MTIF2: variants seen among roughly 807,000 people sequenced by gnomAD.
MTIF2 encodes the protein mitochondrial translational initiation factor 2.
MTIF2 carries 71 observed loss-of-function variants against 83.5 expected under a neutral mutation model. The observed-to-expected ratio is 0.85, with a 90% CI of 0.70 to 1.04. MTIF2 has a LOEUF of 1.04. MTIF2 is among the 50% of genes least tolerant of loss of function. MTIF2 has a pLI of 0.00. For missense variants in MTIF2, 957 were observed against 846.5 expected (o/e 1.13, Z -1.62); for synonymous variants, 319 against 287.1 (o/e 1.11, Z -1.12).
At chr2:55,243,226 TACTTG>T in intron 12 of MTIF2, 146 bp from the exon 13 acceptor site, 1 of 1,035,098 alleles carries the variant, frequency 9.7e-7, no homozygotes, top group Non-Finnish European at 1.4e-6. Context: ...TACACATATC[TACTTG>T]ACTTAATAGC....
chr2:55,237,758 C>T (rs1675991958), intron 14 of MTIF2, among the ~76,000 whole-genome samples: 1 of 139,528 alleles, frequency 7.2e-6, no homozygotes, highest in Non-Finnish European at 1.5e-5. Context: ...TTAAGCGATT[C>T]TCATGCCTCA....
At chr2:55,236,895 T>C in intron 15 of MTIF2, 75 bp from the exon 16 acceptor site, 1 of 1,161,688 alleles carries the variant, frequency 8.6e-7, no homozygotes, top group South Asian at 2.2e-5. Context: ...TATGTGGTGT[T>C]AACCAGGAAA....
intron 14 of MTIF2, among the ~76,000 whole-genome samples, chr2:55,238,794 G>T (rs971463747): frequency 3.9e-5 from 6 of 152,128 alleles, no homozygotes; most frequent in African/African-American, 1.4e-4. Context: ...ACTGTTATTT[G>T]TTAGTGTTAT....
At chr2:55,250,564 A>G (rs971035574) in intron 8 of MTIF2, among the ~76,000 whole-genome samples, 1 of 152,190 alleles carries the variant, frequency 6.6e-6, no homozygotes, top group African/African-American at 2.4e-5. Context: ...ATTTTCTTTT[A>G]GGACTTATAC....
At chr2:55,265,365 C>T (rs556540961) in intron 3 of MTIF2, among the ~76,000 whole-genome samples, 3 of 147,702 alleles carry the variant, frequency 2.0e-5, no homozygotes, top group African/African-American at 7.4e-5. Flanking sequence ...AGGTTCCATT[C>T]CACAAACAGT....
In MTIF2 at chr2:55,245,641, T is replaced by C. The variant is rs1030099818; in HGVS notation, c.1106+696A>G. Among the ~76,000 whole-genome samples the C allele has an allele frequency of 5.1e-4, 77 of 152,084 alleles. 1 individual carries two copies. Among genetic ancestry groups the C allele is most frequent in the Non-Finnish European group, 1.2e-4 (8 of 68,018 alleles). Reference sequence around the variant, plus strand: ...AGAGTTTCAGTTTCACAAGATAAAATAGTTCAACACGTCTGTTGCACAACA... The same window carrying C: ...AGAGTTTCAGTTTCACAAGATAAAACAGTTCAACACGTCTGTTGCACAACA... On this transcript the variant is annotated intron_variant, in intron 10 of 15. Coordinates refer to ENST00000263629, the MANE Select transcript of MTIF2 (RefSeq NM_002453.3).
At chr2:55,266,807 G>T (rs1207282306) in intron 3 of MTIF2, among the ~76,000 whole-genome samples, 2 of 115,884 alleles carry the variant, frequency 1.7e-5, no homozygotes, top group Non-Finnish European at 3.3e-5. Flanking sequence ...TCGCTCTGTT[G>T]CCCAGGGTGG....
chr2:55,266,834 C>CGG (rs1678473434), intron 3 of MTIF2, among the ~76,000 whole-genome samples: 1 of 133,232 alleles, frequency 7.5e-6, no homozygotes, highest in Admixed American at 8.9e-5. Context: ...GTGGTGTGAT[C>CGG]TCAGCCCACT....
chr2:55,265,292 A>G (rs557691403), intron 3 of MTIF2, among the ~76,000 whole-genome samples: 14 of 150,778 alleles, frequency 9.3e-5, no homozygotes, highest in Non-Finnish European at 1.8e-4. Flanking sequence ...CTTAGGAAAC[A>G]TTTCCTAAGT....
chr2:55,267,872 C>G (rs979822741), intron 2 of MTIF2: 1 of 152,086 alleles, frequency 6.6e-6, no homozygotes, highest in Non-Finnish European at 1.5e-5. Flanking sequence ...TGTGTGTAAT[C>G]GAGCAAGCAT....
chr2:55,246,321 A>C lies in MTIF2; in HGVS notation c.1106+16T>G. The C allele has an allele frequency of 6.3e-7, 1 of 1,588,752 alleles. No individual in the cohort carries two copies. Among genetic ancestry groups the C allele is most frequent in the Non-Finnish European group, 8.6e-7 (1 of 1,166,786 alleles). ...CACAGAACAAATTAAAAAGGCAAGC[A>C]TTTTAAGAGTCCTACCCTCTTCCTT... is the stretch of plus-strand genomic sequence containing the variant. On this transcript the variant is annotated intron_variant, in intron 10 of 15. Transcript: ENST00000263629.
At chr2:55,263,916 T>TATCCA in intron 3 of MTIF2, 51 bp from the exon 4 acceptor site, 2 of 1,373,608 alleles carry the variant, frequency 1.5e-6, no homozygotes, top group Non-Finnish European at 1.0e-6. Context: ...AGTTAGCAAA[T>TATCCA]ATTAATTGGA....
intron 13 of MTIF2, among the ~76,000 whole-genome samples, chr2:55,241,971 A>T (rs1284838096): frequency 2.6e-5 from 4 of 151,548 alleles, no homozygotes; most frequent in Non-Finnish European, 4.4e-5. Flanking sequence ...ACATGGTGAA[A>T]CCCTGTCTCT....
At chr2:55,266,266 G>C (rs1678417126) in intron 3 of MTIF2, 1 of 152,178 alleles carries the variant, frequency 6.6e-6, no homozygotes, top group South Asian at 2.1e-4. Flanking sequence ...GCTCATGCCT[G>C]TAATCTCAGC....
chr2:55,260,607 T>C (rs775399672), intron 5 of MTIF2, among the ~76,000 whole-genome samples: 47 of 152,278 alleles, frequency 3.1e-4, no homozygotes, highest in Non-Finnish European at 6.2e-4. Context: ...GGTTCAAATA[T>C]TCCCCATATT....
At chr2:55,265,167 C>T (rs950350776) in intron 3 of MTIF2, among the ~76,000 whole-genome samples, 2 of 150,528 alleles carry the variant, frequency 1.3e-5, no homozygotes, top group African/African-American at 4.9e-5. Flanking sequence ...CACTTGAACC[C>T]GGGAGGTCGA....
chr2:55,242,814 T>C, intron 13 of MTIF2, 126 bp downstream of exon 13: 1 of 934,882 alleles, frequency 1.1e-6, no homozygotes, highest in South Asian at 1.7e-5. Flanking sequence ...GACTGGACTA[T>C]AGCAGGAAGG....
chr2:55,243,831 A>G (rs1009573066), intron 11 of MTIF2, among the ~76,000 whole-genome samples, 163 bp from the exon 12 acceptor site: 2 of 152,224 alleles, frequency 1.3e-5, no homozygotes, highest in Admixed American at 6.5e-5. Flanking sequence ...GAGAGCTTGT[A>G]TAATTGAAAT....
intron 1 of MTIF2, 34 bp downstream of exon 1, chr2:55,269,135 C>T (rs2104504716): frequency 6.6e-6 from 1 of 152,432 alleles, no homozygotes; most frequent in East Asian, 1.9e-4. Flanking sequence ...ACCGGACAAC[C>T]CTGGTTAAGG....
Sources: gnomAD v4.1 joint callset for allele counts (sites outside exome capture counted in the v4.1 genomes callset) on GRCh38, gnomAD v4.1.1 for gene constraint, MANE v1.5 for transcripts, NCBI Gene and HGNC (gene_info 2026-07-23, HGNC 2026-07-21) for gene names.